The following DDX10 variants were observed in gnomAD, a reference collection of about 807,000 sequenced individuals.
The protein encoded by DDX10 is probable ATP-dependent RNA helicase DDX10.
A neutral mutation model predicts 104.3 loss-of-function variants in DDX10; 74 were observed. The observed-to-expected ratio is 0.71, with a 90% CI of 0.59 to 0.86. The LOEUF (loss-of-function observed/expected upper bound fraction) is 0.86. DDX10 is among the 40% of genes least tolerant of loss of function. The pLI is 0.00. For missense variants in DDX10, 952 were observed against 1,040.0 expected, an observed-to-expected ratio of 0.92 and a Z score of 1.16; for synonymous variants, 351 against 353.4, an observed-to-expected ratio of 0.99 and a Z score of 0.08.
chr11:108,751,611 G>A (rs1306262192), intron 13 of DDX10, among the ~76,000 whole-genome samples: 3 of 152,304 alleles, frequency 2.0e-5, no homozygotes, highest in Admixed American at 6.5e-5. Context: ...ACTGCCGAAG[G>A]GGGCCTATGA....
At chr11:108,906,504 C>T (rs989624626) in intron 16 of DDX10, among the ~76,000 whole-genome samples, 2 of 152,130 alleles carry the variant, frequency 1.3e-5, no homozygotes, top group African/African-American at 4.8e-5. Flanking sequence ...TGTCAGTGTT[C>T]AGATTACACT....
In DDX10 at chr11:108,842,701, C is replaced by T. The variant is rs572303672; in HGVS notation, c.2247+1225C>T. On this transcript the variant is annotated intron_variant, in intron 15 of 17. Transcript: ENST00000322536. ...TAATGAGAGAACTAAGCATTTCTTG[C>T]ATTGCTGCTCTTAGTGCAGCAATTA... Among the ~76,000 whole-genome samples the T allele has an allele frequency of 7.2e-5, 11 of 152,318 alleles. No homozygotes were observed. The South Asian group carries it at 2.3e-3, about 32-fold the overall frequency.
chr11:108,750,966 G>A (rs61459876), intron 13 of DDX10, among the ~76,000 whole-genome samples: 1 of 75,070 alleles, frequency 1.3e-5, no homozygotes, highest in Non-Finnish European at 2.4e-5. Context: ...TTTTTTTTTA[G>A]AGATGGGCTT....
intron 13 of DDX10, chr11:108,822,335 AC>A (rs1388221009): frequency 5.7e-6 from 2 of 352,134 alleles, no homozygotes; most frequent in African/African-American, 4.3e-5. Flanking sequence ...GCCAGTTATT[AC>A]TGATGAGTAG....
chr11:108,920,791 C>T (rs1471237324), intron 17 of DDX10: 1 of 152,092 alleles, frequency 6.6e-6, no homozygotes, highest in Non-Finnish European at 1.5e-5. Context: ...TATTCCGGCC[C>T]AGATAGTTTT....
intron 7 of DDX10, among the ~76,000 whole-genome samples, chr11:108,689,619 G>A (rs1372606267): frequency 6.6e-6 from 1 of 152,132 alleles, no homozygotes; most frequent in Non-Finnish European, 1.5e-5. Flanking sequence ...AACACTTCTT[G>A]AACACTAGCC....
intron 6 of DDX10, among the ~76,000 whole-genome samples, chr11:108,688,447 T>C (rs781097933): frequency 2.4e-4 from 36 of 152,256 alleles, no homozygotes; most frequent in Non-Finnish European, 4.4e-4. Flanking sequence ...AAATTGCAGA[T>C]ATCTGTATTC....
intron 13 of DDX10, among the ~76,000 whole-genome samples, chr11:108,781,574 C>T (rs2094378151): frequency 6.6e-6 from 1 of 152,108 alleles, no homozygotes; most frequent in South Asian, 2.1e-4. Flanking sequence ...TCTCTTCTTA[C>T]CACAGAAGGT....
Position 108,841,399 on chromosome 11 carries a change from A to T in DDX10, c.2170A>T (p.Lys724Ter). Residue 724 changes from lysine (K) to a stop codon, truncating the protein, a stop_gained, in exon 15 of 18, where the codon AAA becomes TAA. Transcript: ENST00000322536. LOFTEE classifies it high-confidence loss of function. Reference sequence around the variant, plus strand: ...TGACACAGGTGGTATCAACTTACATAAAGCAAAGGAAAGACTTCAGGAAGA... The same window carrying T: ...TGACACAGGTGGTATCAACTTACATTAAGCAAAGGAAAGACTTCAGGAAGA... ...DDDTGGINLHKAKERLQEEDK... is the reference protein window; with the variant it reads ...DDDTGGINLH 4 of 1,613,976 alleles carry T rather than the reference A, an allele frequency of 2.5e-6. No homozygotes were observed. Among genetic ancestry groups the T allele is most frequent in the Non-Finnish European group, 3.4e-6 (4 of 1,179,878 alleles).
intron 16 of DDX10, among the ~76,000 whole-genome samples, chr11:108,885,913 T>G (rs755927413): frequency 6.6e-6 from 1 of 152,132 alleles, no homozygotes; most frequent in African/African-American, 2.4e-5. Context: ...AAATCTTCTA[T>G]TTATTACACA....
intron 13 of DDX10, among the ~76,000 whole-genome samples, chr11:108,804,140 A>G (rs1236771655): frequency 5.9e-5 from 9 of 152,214 alleles, no homozygotes; most frequent in Admixed American, 5.9e-4. Context: ...CAGTCCAACA[A>G]AGAAAGAACA....
At chr11:108,783,596 T>C (rs1056978101) in intron 13 of DDX10, among the ~76,000 whole-genome samples, 1 of 152,152 alleles carries the variant, frequency 6.6e-6, no homozygotes. Flanking sequence ...TTCAGGAGGA[T>C]GTGGGAGGGG....
chr11:108,849,847 A>C (rs1348773693), intron 15 of DDX10, among the ~76,000 whole-genome samples: 1 of 152,124 alleles, frequency 6.6e-6, no homozygotes, highest in South Asian at 2.1e-4. Flanking sequence ...TCCTGAAGTA[A>C]TTGTACTCCA....
chr11:108,940,346 T>C lies in DDX10; in HGVS notation c.2551T>C (p.Leu851=), dbSNP rs1445927760. ...CAGAAAGAAGGCCAGGTGGGACACT[T>C]TAGAGCCTTTGGATACCGGCCTGTC... ...HNRKKARWDT[L]EPLDTGLSLA... Residue 851 remains leucine, a synonymous_variant, in exon 18 of 18, where the codon TTA becomes CTA. Transcript: ENST00000322536. 2 of 1,613,856 alleles carry C rather than the reference T, an allele frequency of 1.2e-6. No individual in the cohort carries two copies. The highest frequency in any genetic ancestry group is 4.5e-5 in the East Asian group (2 of 44,842).
chr11:108,932,030 G>T (rs1311021320), intron 17 of DDX10, among the ~76,000 whole-genome samples: 9 of 151,666 alleles, frequency 5.9e-5, no homozygotes, highest in Non-Finnish European at 1.2e-4. Context: ...ATGTCAGCAA[G>T]GTATAAAATA....
chr11:108,927,136 C>A (rs2134672331), intron 17 of DDX10, among the ~76,000 whole-genome samples: 1 of 152,314 alleles, frequency 6.6e-6, no homozygotes, highest in South Asian at 2.1e-4. Flanking sequence ...CACCTGATTT[C>A]TTAACTTAGC....
At chr11:108,754,018 T>A (rs1442701337) in intron 13 of DDX10, among the ~76,000 whole-genome samples, 1 of 152,058 alleles carries the variant, frequency 6.6e-6, no homozygotes, top group Non-Finnish European at 1.5e-5. Flanking sequence ...TCCTGATTTA[T>A]CTTTTGCATT....
At chr11:108,685,163 C>G (rs1299418332) in intron 6 of DDX10, among the ~76,000 whole-genome samples, 1 of 151,852 alleles carries the variant, frequency 6.6e-6, no homozygotes, top group Non-Finnish European at 1.5e-5. Flanking sequence ...CCTGTTCACT[C>G]TGATGGTAGC....
rs373041499 is a variant in DDX10, at chr11:108,917,907, GTGA to G, written c.2363_2365del (p.Asp788del). 4.9e-4 allele frequency: 786 copies of G among 1,592,708 alleles called. No homozygotes were observed. The highest frequency in any genetic ancestry group is 3.6e-3 in the Middle Eastern group (18 of 4,956). On this transcript the variant is annotated inframe_deletion, in exon 17 of 18. Coordinates refer to ENST00000322536, the MANE Select transcript of DDX10 (RefSeq NM_004398.4). Reference sequence around the variant, plus strand: ...GAAGAGGAAGCCTTTCTGGATTGGAGTGATGATGATGATGATGATGATGATGGA... The same window carrying G: ...GAAGAGGAAGCCTTTCTGGATTGGAGTGATGATGATGATGATGATGATGGA...
Sources: allele counts gnomAD v4.1 joint callset (sites outside exome capture counted in the v4.1 genomes callset), GRCh38; gene constraint gnomAD v4.1.1; transcripts MANE v1.5; gene names NCBI Gene and HGNC (gene_info 2026-07-23, HGNC 2026-07-21).